Variants in SECISBP2 observed in about 807,000 individuals in gnomAD.
SECISBP2 encodes selenocysteine insertion sequence-binding protein 2.
SECISBP2 carries 96 observed loss-of-function variants against 98.2 expected under a neutral mutation model. That is an observed-to-expected ratio of 0.98 (90% CI 0.83 to 1.16). The LOEUF (loss-of-function observed/expected upper bound fraction) is 1.16, where lower values mean the gene tolerates loss of function less well. SECISBP2 is among the 50% of genes most tolerant of loss of function. SECISBP2 has a pLI of 0.00. For missense variants in SECISBP2, 1,046 were observed against 1,022.9 expected, an observed-to-expected ratio of 1.02 and a Z score of -0.31; for synonymous variants, 407 against 370.2, an observed-to-expected ratio of 1.10 and a Z score of -1.14.
chr9:89,325,571 C>G lies in SECISBP2; in HGVS notation c.327C>G (p.Ser109=). 6.2e-7 allele frequency: 1 copy of G among 1,614,098 alleles called. No homozygotes were observed. The highest frequency in any genetic ancestry group is 8.5e-7 in the Non-Finnish European group (1 of 1,180,016). ...STQNVYSVPG[S]QYLYNQPSCY... ...AGAATGTTTACTCAGTGCCTGGCTCCCAGTATCTTTATAACCAACCCAGTT... is the reference window on the plus strand; with the variant it reads ...AGAATGTTTACTCAGTGCCTGGCTCGCAGTATCTTTATAACCAACCCAGTT... Residue 109 remains serine (S), a synonymous_variant, in exon 3 of 17, where the codon TCC becomes TCG. Transcript: ENST00000375807.
At chr9:89,353,390 C>T (rs1429380232) in intron 14 of SECISBP2, among the ~76,000 whole-genome samples, 2 of 152,196 alleles carry the variant, frequency 1.3e-5, no homozygotes, top group Non-Finnish European at 2.9e-5. Context: ...AGGCGAACTT[C>T]ACCCTGTGAG....
intron 1 of SECISBP2, 98 bp downstream of exon 1, chr9:89,318,710 T>G: frequency 7.9e-7 from 1 of 1,272,610 alleles, no homozygotes; most frequent in Non-Finnish European, 1.0e-6. Flanking sequence ...CCAGCGGGCG[T>G]GGGTCGGATG....
chr9:89,343,598 G>T (rs1829994678), intron 10 of SECISBP2, among the ~76,000 whole-genome samples: 1 of 152,140 alleles, frequency 6.6e-6, no homozygotes, highest in African/African-American at 2.4e-5. Flanking sequence ...TGTGGTATTT[G>T]GTTTTCTGTT....
chr9:89,347,311 A>G (rs563201372), intron 11 of SECISBP2, among the ~76,000 whole-genome samples: 1 of 152,288 alleles, frequency 6.6e-6, no homozygotes, highest in South Asian at 2.1e-4. Flanking sequence ...ATGGATGGAC[A>G]GAAAACCAGA....
chr9:89,363,751 C>A (rs1296832730), downstream of SECISBP2: 5 of 1,612,634 alleles, frequency 3.1e-6, no homozygotes, highest in Non-Finnish European at 4.2e-6. Context: ...CAGGTCTCAT[C>A]ACAGCAACCT....
intron 1 of SECISBP2, chr9:89,318,823 G>A: frequency 3.1e-6 from 4 of 1,276,138 alleles, no homozygotes; most frequent in Non-Finnish European, 4.0e-6. Context: ...CCCGCCCACA[G>A]TTAGCGCCGC....
At position 89,347,023 on chromosome 9, in the gene SECISBP2, C is replaced by T; in HGVS notation, c.1577C>T (p.Ala526Val). The change falls in exon 11 of 17, where the codon GCC becomes GTC. Residue 526 changes from alanine (A) to valine (V), a missense_variant. Ala to Val is a moderately conservative substitution (Grantham distance 64). Coordinates refer to ENST00000375807, the MANE Select transcript of SECISBP2 (RefSeq NM_024077.5). ...GGGAAGCAGAGGGAGATCCCCAAGG[C>T]CAAGAAGCCAACCTCACTGAAGAAG... ...KKGKQREIPKAKKPTSLKKII... is the reference protein window; with the variant it reads ...KKGKQREIPKVKKPTSLKKII... 1 of 1,614,138 alleles carries T rather than the reference C, an allele frequency of 6.2e-7. No homozygotes were observed. Among genetic ancestry groups the T allele is most frequent in the Non-Finnish European group, 8.5e-7 (1 of 1,180,006 alleles).
In SECISBP2 at chr9:89,319,863, C is replaced by T. The variant is rs1450632421; in HGVS notation, c.182+66C>T. The T allele has an allele frequency of 4.6e-6, 7 of 1,535,550 alleles. No homozygotes were observed. In the African/African-American group the frequency reaches 5.5e-5, roughly 12 times the overall value. The stretch of plus-strand genomic sequence containing the variant: ...TTGGATTTAATGGTGATTAGACTTT[C>T]AAATACTCAGCAGTTACTGCACTAA... On this transcript the variant is annotated intron_variant, in intron 2 of 16. Coordinates refer to ENST00000375807, the MANE Select transcript of SECISBP2 (RefSeq NM_024077.5).
chr9:89,352,684 C>T (rs1321701011), intron 14 of SECISBP2, among the ~76,000 whole-genome samples: 1 of 152,136 alleles, frequency 6.6e-6, no homozygotes, highest in Non-Finnish European at 1.5e-5. Flanking sequence ...GACTGGTGTC[C>T]TCACATTATT....
In SECISBP2 at chr9:89,338,365, G is replaced by C. The variant is rs1172282733; in HGVS notation, c.1090-93G>C. 3 of 1,410,108 alleles carry C rather than the reference G, an allele frequency of 2.1e-6. No homozygotes were observed. In the African/African-American group the frequency reaches 4.3e-5, roughly 20 times the overall value. 87.3% of individuals were successfully genotyped at this position (1,410,108 alleles called of 1,614,324 possible). On this transcript the variant is annotated intron_variant, in intron 7 of 16. Coordinates refer to ENST00000375807, the MANE Select transcript of SECISBP2 (RefSeq NM_024077.5). ...TGAATAAAATTGTCATGTGATTATA[G>C]GACTTGATATCTTAATTTTGTTGAT...
chr9:89,347,284 A>AT (rs1830554156), intron 11 of SECISBP2, among the ~76,000 whole-genome samples: 1 of 152,056 alleles, frequency 6.6e-6, no homozygotes, highest in East Asian at 1.9e-4. Context: ...AACATGTTTT[A>AT]TTTTTTCAAC....
chr9:89,325,033 T>C (rs1380756478), intron 2 of SECISBP2: 1 of 292,538 alleles, frequency 3.4e-6, no homozygotes, highest in Admixed American at 5.1e-5. Context: ...GAGAAAACCA[T>C]TTGCAGGAGC....
chr9:89,326,615 A>G (rs1027139898), intron 4 of SECISBP2, among the ~76,000 whole-genome samples: 1 of 152,224 alleles, frequency 6.6e-6, no homozygotes, highest in African/African-American at 2.4e-5. Flanking sequence ...AGGTTAAGGT[A>G]ACTATTTCAT....
At position 89,348,069 on chromosome 9, in the gene SECISBP2, A is replaced by C; in HGVS notation, c.1603-10A>C. 1 of 1,608,106 alleles carries C rather than the reference A, an allele frequency of 6.2e-7. No individual in the cohort carries two copies. The highest frequency in any genetic ancestry group is 8.5e-7 in the Non-Finnish European group (1 of 1,175,478). On this transcript the variant is annotated splice_polypyrimidine_tract_variant and intron_variant, in intron 11 of 16. Coordinates refer to ENST00000375807, the MANE Select transcript of SECISBP2 (RefSeq NM_024077.5). ...ATTTAGGCATTTTAATTGTTTATTTAATTTTTAAGATTATTTTGAAAGAAC... is the reference window on the plus strand; with the variant it reads ...ATTTAGGCATTTTAATTGTTTATTTCATTTTTAAGATTATTTTGAAAGAAC...
chr9:89,361,115 AGACT>A (rs775199211), downstream of SECISBP2: 1 of 152,252 alleles, frequency 6.6e-6, no homozygotes, highest in Non-Finnish European at 1.5e-5. Context: ...TCCGTGAGCA[AGACT>A]GGCATCCTTG....
intron 10 of SECISBP2, among the ~76,000 whole-genome samples, chr9:89,345,760 C>T (rs1830328854): frequency 6.6e-6 from 1 of 152,128 alleles, no homozygotes; most frequent in African/African-American, 2.4e-5. Context: ...CATTGGGGAC[C>T]GGGTGAGTGA....
At chr9:89,349,397 A>G (rs1046789808) in intron 12 of SECISBP2, among the ~76,000 whole-genome samples, 3 of 152,268 alleles carry the variant, frequency 2.0e-5, no homozygotes, top group Admixed American at 1.3e-4. Context: ...GAAAAAACTT[A>G]GAACTAAAAT....
chr9:89,357,746 T>C (rs1398204344), intron 15 of SECISBP2, among the ~76,000 whole-genome samples, 181 bp downstream of exon 15: 1 of 152,186 alleles, frequency 6.6e-6, no homozygotes, highest in Non-Finnish European at 1.5e-5. Flanking sequence ...CTTGACATCA[T>C]GGGTTGTCTG....
intron 10 of SECISBP2, among the ~76,000 whole-genome samples, chr9:89,342,161 T>C (rs1829745777): frequency 1.3e-5 from 2 of 152,188 alleles, no homozygotes; most frequent in African/African-American, 4.8e-5. Flanking sequence ...ACACAAGTGG[T>C]CAATAAGTGC....
Sources: allele counts gnomAD v4.1 joint callset (sites outside exome capture counted in the v4.1 genomes callset), GRCh38; gene constraint gnomAD v4.1.1; transcripts MANE v1.5; gene names NCBI Gene and HGNC (gene_info 2026-07-23, HGNC 2026-07-21).